The following DPY19L4 variants were observed in gnomAD, a reference collection of about 807,000 sequenced individuals.
The protein encoded by DPY19L4 is dpy-19 like 4.
In DPY19L4, 97 loss-of-function variants were observed where a neutral mutation model predicts 102.8. The observed-to-expected ratio is 0.94, with a 90% CI of 0.80 to 1.12. DPY19L4 has a LOEUF of 1.12. Ranked by LOEUF, DPY19L4 falls within the 50% of genes most tolerant of loss-of-function variation. The probability of loss-of-function intolerance (pLI) is 0.00; values close to 1 mark genes in which losing one functional copy is unlikely to be tolerated. For missense variants in DPY19L4, 815 were observed against 850.4 expected (o/e 0.96, Z 0.52); for synonymous variants, 252 against 283.1 (o/e 0.89, Z 1.10).
Position 94,719,911 on chromosome 8 carries a change from C to A in DPY19L4, c.-88C>A. On this transcript the variant is annotated 5_prime_UTR_variant, in exon 1 of 19. Coordinates refer to ENST00000414645, the MANE Select transcript of DPY19L4 (RefSeq NM_181787.3). ...GGGGCGCGGCGGCCAGGAGCGGGCC[C>A]CCGGAGGCCGAGGGGTTCGGCGACG... 9 of 1,401,946 alleles carry A rather than the reference C, an allele frequency of 6.4e-6. 1 individual carries two copies. The South Asian group carries it at 1.4e-4, about 21-fold the overall frequency. 86.8% of individuals were successfully genotyped at this position (1,401,946 alleles called of 1,614,324 possible).
At chr8:94,789,099 G>C (rs1477023353) in intron 18 of DPY19L4, among the ~76,000 whole-genome samples, 1 of 152,108 alleles carries the variant, frequency 6.6e-6, no homozygotes, top group East Asian at 1.9e-4. Flanking sequence ...CTTGCTATCT[G>C]CTCTCTGAAG....
intron 6 of DPY19L4, among the ~76,000 whole-genome samples, chr8:94,749,424 C>A (rs1811822213): frequency 6.6e-6 from 1 of 152,164 alleles, no homozygotes. Flanking sequence ...AGCAGTCCAG[C>A]CACGAGAGCA....
chr8:94,793,794 A>T lies in DPY19L4; in HGVS notation c.*3884A>T, dbSNP rs560096265. On this transcript the variant is annotated 3_prime_UTR_variant, in exon 19 of 19. Coordinates refer to ENST00000414645, the MANE Select transcript of DPY19L4 (RefSeq NM_181787.3). The stretch of plus-strand genomic sequence containing the variant: ...ATTTTCTGTACATTAATGTCTAAAC[A>T]TTATACTTACTTTTTCATAATAAAG... The T allele has an allele frequency of 6.6e-6, 1 of 152,320 alleles. No individual in the cohort carries two copies. Among genetic ancestry groups the T allele is most frequent in the South Asian group, 2.1e-4 (1 of 4,830 alleles). The allele number at this position is 152,320 out of a possible 1,614,324, so 9.4% of individuals were successfully genotyped here. A position where few individuals can be genotyped will look rare whatever the true frequency, so the allele number is the denominator to read the frequency against.
At position 94,761,833 on chromosome 8, in the gene DPY19L4, A is replaced by G; in HGVS notation, c.869A>G (p.Lys290Arg). ...ACCTTTTCAGTGGAGCAAAGTGACA[A>G]GGTATTATGGCATTTTGAAATGGTG... is the stretch of plus-strand genomic sequence containing the variant. ...LDTFSVEQSD[K>R]VYEVYKIYIF... The change falls in exon 8 of 19, where the codon AAG (lysine) becomes AGG (arginine). Residue 290 changes from lysine (K) to arginine (R), a missense_variant and splice_region_variant. Coordinates refer to ENST00000414645, the MANE Select transcript of DPY19L4 (RefSeq NM_181787.3). 1 of 1,603,970 alleles carries G rather than the reference A, an allele frequency of 6.2e-7. No individual in the cohort carries two copies. Among genetic ancestry groups the G allele is most frequent in the South Asian group, 1.1e-5 (1 of 87,904 alleles).
At chr8:94,728,534 G>A (rs1244312485) in intron 2 of DPY19L4, among the ~76,000 whole-genome samples, 1 of 152,158 alleles carries the variant, frequency 6.6e-6, no homozygotes, top group Non-Finnish European at 1.5e-5. Flanking sequence ...AAAAGTTGAG[G>A]CCTATATATA....
chr8:94,745,982 G>A (rs1363225576), intron 6 of DPY19L4, among the ~76,000 whole-genome samples: 1 of 150,814 alleles, frequency 6.6e-6, no homozygotes, highest in African/African-American at 2.4e-5. Flanking sequence ...TCAAACTACC[G>A]ACCTCAGGTG....
At chr8:94,751,803 G>A (rs1326545988) in intron 6 of DPY19L4, among the ~76,000 whole-genome samples, 1 of 152,002 alleles carries the variant, frequency 6.6e-6, no homozygotes, top group African/African-American at 2.4e-5. Context: ...TTTGCTTTCA[G>A]TCTCTATAGA....
chr8:94,773,181 T>C (rs1189353545), intron 13 of DPY19L4, among the ~76,000 whole-genome samples: 2 of 135,944 alleles, frequency 1.5e-5, no homozygotes, highest in Non-Finnish European at 3.1e-5. Context: ...GCCACTGCAC[T>C]CCAACCTGGG....
chr8:94,744,436 T>C, intron 6 of DPY19L4: 1 of 456,764 alleles, frequency 2.2e-6, no homozygotes. Context: ...GTATCTGTTA[T>C]AACCTCATCT....
intron 2 of DPY19L4, among the ~76,000 whole-genome samples, chr8:94,729,364 T>C (rs911616997): frequency 1.4e-5 from 2 of 145,202 alleles, no homozygotes; most frequent in South Asian, 4.4e-4. Context: ...AGAGTGAGAC[T>C]CCGTCTTAAA....
chr8:94,751,536 A>G (rs1039695289), intron 6 of DPY19L4, among the ~76,000 whole-genome samples: 1 of 145,584 alleles, frequency 6.9e-6, no homozygotes, highest in Non-Finnish European at 1.5e-5. Flanking sequence ...CTGTCGCCCA[A>G]GCTGGAGTGC....
chr8:94,738,714 A>G (rs750551453), intron 4 of DPY19L4, among the ~76,000 whole-genome samples: 5 of 151,750 alleles, frequency 3.3e-5, no homozygotes, highest in Admixed American at 3.3e-4. Context: ...GGGTTTCACC[A>G]TGTTGGCCAG....
At position 94,738,415 on chromosome 8, in the gene DPY19L4, A is replaced by T; in HGVS notation, c.299A>T (p.Tyr100Phe). ...TTTCAGGGTGACAGTGCCATTTATTACTCCTATTATAAAGATATGTTAAAG... is the reference window on the plus strand; with the variant it reads ...TTTCAGGGTGACAGTGCCATTTATTTCTCCTATTATAAAGATATGTTAAAG... ...ITFQGDSAIY[Y>F]SYYKDMLKAP... Residue 100 changes from tyrosine to phenylalanine, a missense_variant, in exon 4 of 19, where the codon TAC (tyrosine) becomes TTC (phenylalanine). Physicochemically the swap from Tyr to Phe is conservative, Grantham distance 22 (BLOSUM62 3). Transcript: ENST00000414645. The T allele has an allele frequency of 6.4e-7, 1 of 1,560,078 alleles. No homozygotes were observed. The highest frequency in any genetic ancestry group is 1.3e-5 in the South Asian group (1 of 77,938).
In DPY19L4 at chr8:94,780,379, C is replaced by T. The variant is rs747529824; in HGVS notation, c.1596C>T (p.Ala532=). The T allele has an allele frequency of 6.1e-6, 9 of 1,484,754 alleles. No homozygotes were observed. In the South Asian group the frequency reaches 7.6e-5, roughly 13 times the overall value. The allele number at this position is 1,484,754 out of a possible 1,614,324, so 92.0% of individuals were successfully genotyped here. A position where few individuals can be genotyped will look rare whatever the true frequency, so the allele number is the denominator to read the frequency against. ...PILLALILSM[A]VPTIIGLSLW... ...TTTAGGCTCTTATTCTGAGCATGGC[C>T]GTGCCTACTATAATAGGTCTCAGCT... The change falls in exon 15 of 19, where the codon GCC becomes GCT. Residue 532 remains alanine, a synonymous_variant. Coordinates refer to ENST00000414645, the MANE Select transcript of DPY19L4 (RefSeq NM_181787.3).
At chr8:94,752,641 C>G (rs1811988734) in intron 6 of DPY19L4, among the ~76,000 whole-genome samples, 1 of 141,620 alleles carries the variant, frequency 7.1e-6, no homozygotes, top group African/African-American at 2.6e-5. Context: ...TCGCTAAATT[C>G]ATTTATTAGT....
chr8:94,785,830 AT>A (rs1332286501), intron 17 of DPY19L4, among the ~76,000 whole-genome samples: 2 of 152,162 alleles, frequency 1.3e-5, no homozygotes, highest in Admixed American at 6.5e-5. Flanking sequence ...CCTGAATTTT[AT>A]TTTTTGTGGA....
At chr8:94,765,664 A>G (rs774175061) in intron 9 of DPY19L4, 47 bp from the exon 10 acceptor site, 6 of 1,401,820 alleles carry the variant, frequency 4.3e-6, no homozygotes, top group Admixed American at 1.9e-5. Context: ...TAAATTGTTA[A>G]TTTTTTAACA....
At chr8:94,749,697 A>C (rs1318635974) in intron 6 of DPY19L4, among the ~76,000 whole-genome samples, 1 of 152,184 alleles carries the variant, frequency 6.6e-6, no homozygotes, top group Non-Finnish European at 1.5e-5. Context: ...ATCTCAACCT[A>C]CCAGAACAAG....
chr8:94,770,491 A>G lies in DPY19L4; in HGVS notation c.1374A>G (p.Gly458=). The G allele has an allele frequency of 6.2e-7, 1 of 1,613,824 alleles. No individual in the cohort carries two copies. The highest frequency in any genetic ancestry group is 8.5e-7 in the Non-Finnish European group (1 of 1,179,900). Residue 458 remains glycine, a synonymous_variant, in exon 13 of 19, where the codon GGA becomes GGG. Coordinates refer to ENST00000414645, the MANE Select transcript of DPY19L4 (RefSeq NM_181787.3). ...SLKETVTLED[G]RIGERPEIIY... The stretch of plus-strand genomic sequence containing the variant: ...AGGAAACTGTTACTCTTGAAGATGG[A>G]CGAATTGGAGAAAGACCAGAAATAA...
Sources: gnomAD v4.1 joint callset for allele counts (sites outside exome capture counted in the v4.1 genomes callset) on GRCh38, gnomAD v4.1.1 for gene constraint, MANE v1.5 for transcripts, NCBI Gene and HGNC (gene_info 2026-07-23, HGNC 2026-07-21) for gene names.